The following TCF20 variants were observed in gnomAD, a reference collection of about 807,000 sequenced individuals.
The protein encoded by TCF20 is SPRE-binding protein.
A neutral mutation model predicts 148.6 loss-of-function variants in TCF20; 3 were observed. That is an observed-to-expected ratio of 0.02 (90% CI 0.01 to 0.05). TCF20 has a LOEUF of 0.05. Ranked by LOEUF, TCF20 falls within the 10% of genes least tolerant of loss-of-function variation. The pLI is 1.00. For synonymous variants in TCF20, 1,049 were observed against 909.5 expected, an observed-to-expected ratio of 1.15 and a Z score of -2.76; for missense variants, 2,350 against 2,429.3, an observed-to-expected ratio of 0.97 and a Z score of 0.69.
At chr22:42,168,220 T>C (rs1221132070) in intron 5 of TCF20, among the ~76,000 whole-genome samples, 1 of 152,116 alleles carries the variant, frequency 6.6e-6, no homozygotes, top group Non-Finnish European at 1.5e-5. Flanking sequence ...ATGTAGTAAA[T>C]TAAAAAGAAG....
At chr22:42,334,591 G>A (rs1928033840) in intron 1 of TCF20, among the ~76,000 whole-genome samples, 1 of 152,260 alleles carries the variant, frequency 6.6e-6, no homozygotes, top group Non-Finnish European at 1.5e-5. Flanking sequence ...AACCGCTCCA[G>A]CCCTTACACA....
chr22:42,339,866 C>T (rs983651982), intron 1 of TCF20, among the ~76,000 whole-genome samples: 7 of 152,150 alleles, frequency 4.6e-5, no homozygotes, highest in Non-Finnish European at 8.8e-5. Flanking sequence ...CTCAGGTATC[C>T]GGTGGGGCCC....
intron 1 of TCF20, among the ~76,000 whole-genome samples, chr22:42,244,127 C>T (rs2147323759): frequency 6.6e-6 from 1 of 152,200 alleles, no homozygotes; most frequent in East Asian, 1.9e-4. Flanking sequence ...TCACTCGAGC[C>T]CAGTGAGTGA....
In TCF20 at chr22:42,235,154, A is replaced by C. The variant is rs965559021; in HGVS notation, c.-36-19813T>G. ...GAGACTCTGTCTCAAAAAAAAAAAAAAAAAGAACTTTGTAAATGTCTGTCG... is the reference window on the plus strand; with the variant it reads ...GAGACTCTGTCTCAAAAAAAAAAAACAAAAGAACTTTGTAAATGTCTGTCG... On this transcript the variant is annotated intron_variant, in intron 1 of 5. Transcript: ENST00000677622. 4.7e-4 allele frequency among the ~76,000 whole-genome samples: 71 copies of C among 151,794 alleles called. 2 individuals carry two copies. The highest frequency in any genetic ancestry group is 1.6e-3 in the African/African-American group (64 of 41,266).
At chr22:42,244,515 C>T (rs901850630) in intron 1 of TCF20, among the ~76,000 whole-genome samples, 2 of 152,100 alleles carry the variant, frequency 1.3e-5, no homozygotes, top group African/African-American at 4.8e-5. Flanking sequence ...ACACTACGCG[C>T]TAAGTGAAAG....
intron 2 of TCF20, among the ~76,000 whole-genome samples, chr22:42,183,601 C>T (rs1349887890): frequency 1.3e-5 from 2 of 152,150 alleles, no homozygotes; most frequent in South Asian, 2.1e-4. Flanking sequence ...TTCCAAAGCC[C>T]AGCCCACACC....
chr22:42,170,041 G>A, intron 3 of TCF20, 145 bp from the exon 4 acceptor site: 1 of 695,308 alleles, frequency 1.4e-6, no homozygotes, highest in Non-Finnish European at 2.4e-6. Context: ...GACAACCCAA[G>A]TAAGCTATGA....
intron 1 of TCF20, among the ~76,000 whole-genome samples, chr22:42,339,253 C>T (rs773145080): frequency 1.1e-4 from 16 of 152,226 alleles, no homozygotes; most frequent in Admixed American, 2.0e-4. Context: ...CAGTTTACAT[C>T]TCACTGCAGC....
intron 2 of TCF20, among the ~76,000 whole-genome samples, chr22:42,197,513 A>G (rs996427399): frequency 2.0e-5 from 3 of 151,974 alleles, no homozygotes; most frequent in African/African-American, 7.2e-5. Flanking sequence ...TAGTAGAGAC[A>G]GGGTTTCACC....
intron 2 of TCF20, among the ~76,000 whole-genome samples, chr22:42,203,330 C>T (rs1041420730): frequency 6.6e-6 from 1 of 152,038 alleles, no homozygotes; most frequent in Admixed American, 6.6e-5. Flanking sequence ...GAATCGTGTA[C>T]TCCTTATAAA....
Position 42,301,895 on chromosome 22 carries a change from G to C in TCF20, c.-37+41584C>G, listed in dbSNP as rs570919396. On this transcript the variant is annotated intron_variant, in intron 1 of 1. Transcript: ENST00000515426. The stretch of plus-strand genomic sequence containing the variant: ...GCTGGACGGCCACGGGGGCTGGTGT[G>C]AGCAAGACTCAGGGCCGGCAGGCCT... Among the ~76,000 whole-genome samples the C allele has an allele frequency of 3.3e-5, 5 of 152,352 alleles. No homozygotes were observed. In the South Asian group the frequency reaches 8.3e-4, roughly 25 times the overall value.
chr22:42,293,577 G>C (rs772872318), intron 1 of TCF20, among the ~76,000 whole-genome samples: 1 of 152,208 alleles, frequency 6.6e-6, no homozygotes, highest in Non-Finnish European at 1.5e-5. Flanking sequence ...CTGTAAGGGG[G>C]TATCTTCAGG....
intron 1 of TCF20, among the ~76,000 whole-genome samples, chr22:42,257,899 T>G (rs1925830339): frequency 6.6e-6 from 1 of 152,222 alleles, no homozygotes; most frequent in African/African-American, 2.4e-5. Context: ...GATATAACAC[T>G]TAGCACACTG....
At chr22:42,323,952 T>TATGGTGGTGGTGGTG (rs1927800195) in intron 1 of TCF20, among the ~76,000 whole-genome samples, 1 of 22,006 alleles carries the variant, frequency 4.5e-5, no homozygotes, top group African/African-American at 2.1e-4. Context: ...TGATGGAGGT[T>TATGGTGGTGGTGGTG]ATGGTGGTGG....
At chr22:42,198,820 T>A (rs1214518173) in intron 2 of TCF20, among the ~76,000 whole-genome samples, 2 of 151,950 alleles carry the variant, frequency 1.3e-5, no homozygotes, top group South Asian at 2.1e-4. Context: ...CGCCACCACG[T>A]CCAGCTAATT....
At chr22:42,162,368 A>G (rs1207650292) in intron 5 of TCF20, among the ~76,000 whole-genome samples, 2 of 152,064 alleles carry the variant, frequency 1.3e-5, no homozygotes, top group African/African-American at 4.8e-5. Flanking sequence ...GAGCTGGACT[A>G]TGTTAATCCT....
intron 2 of TCF20, among the ~76,000 whole-genome samples, chr22:42,204,186 CTT>C (rs1938230997): frequency 6.6e-6 from 1 of 152,152 alleles, no homozygotes; most frequent in Non-Finnish European, 1.5e-5. Context: ...ATTATTTAAA[CTT>C]GTATTAAAAA....
Position 42,214,017 on chromosome 22 carries a change from G to C in TCF20, c.1289C>G (p.Ser430Cys), listed in dbSNP as rs1569152432. 3 of 1,614,186 alleles carry C rather than the reference G, an allele frequency of 1.9e-6. No homozygotes were observed. The highest frequency in any genetic ancestry group is 1.7e-5 in the Admixed American group (1 of 60,014). Residue 430 changes from serine to cysteine, a missense_variant, in exon 2 of 6, where the codon TCT (serine) becomes TGT (cysteine). Physicochemically the swap from Ser to Cys is moderately radical, Grantham distance 112. Transcript: ENST00000677622. The stretch of plus-strand genomic sequence containing the variant: ...AAACCCTTTGAAGCCTGCAGCATGA[G>C]AATTAGGACTGGGCATCATTGATGG... The part of the protein sequence containing the change: ...PTPSMMPSPN[S>C]HAAGFKGFGL...
intron 1 of TCF20, among the ~76,000 whole-genome samples, chr22:42,323,968 ATGGTGG>A (rs1431725988): frequency 2.1e-4 from 1 of 4,730 alleles, no homozygotes; most frequent in Non-Finnish European, 4.1e-4. Context: ...GGTGGTGGTG[ATGGTGG>A]TGGTGGAGGT....
Sources: allele counts gnomAD v4.1 joint callset (sites outside exome capture counted in the v4.1 genomes callset), GRCh38; gene constraint gnomAD v4.1.1; transcripts MANE v1.5; gene names NCBI Gene and HGNC (gene_info 2026-07-23, HGNC 2026-07-21).